SOX5: variants seen among roughly 807,000 people sequenced by gnomAD.
The protein encoded by SOX5 is SRY-box transcription factor 5, also known as transcription factor SOX-5.
A neutral mutation model predicts 92.0 loss-of-function variants in SOX5; 9 were observed. The observed-to-expected ratio is 0.10, with a 90% confidence interval of 0.06 to 0.17. The LOEUF (loss-of-function observed/expected upper bound fraction) is 0.17. SOX5 is among the 10% of genes least tolerant of loss of function. SOX5 has a pLI of 1.00. For missense variants in SOX5, 642 were observed against 944.5 expected, an observed-to-expected ratio of 0.68 and a Z score of 4.20; for synonymous variants, 344 against 336.3, an observed-to-expected ratio of 1.02 and a Z score of -0.25.
chr12:24,478,163 T>C (rs1405360031), intron 1 of SOX5, among the ~76,000 whole-genome samples: 3 of 152,214 alleles, frequency 2.0e-5, no homozygotes. Context: ...ACTACTGAAG[T>C]GTGAGAATTA....
intron 2 of SOX5, among the ~76,000 whole-genome samples, chr12:24,359,273 G>A (rs1310409574): frequency 6.6e-6 from 1 of 152,172 alleles, no homozygotes; most frequent in East Asian, 1.9e-4. Context: ...TAAGCGATCT[G>A]ATTCAAAATA....
Position 23,530,212 on chromosome 12 carries a change from AC to A in SOX5, c.*4006del, listed in dbSNP as rs1233134324. 1 of 152,190 alleles carries A rather than the reference AC, an allele frequency of 6.6e-6. No individual in the cohort carries two copies. The highest frequency in any genetic ancestry group is 3.2e-3 in the Middle Eastern group (1 of 316). 9.4% of individuals were successfully genotyped at this position (152,190 alleles called of 1,614,324 possible). A position where few individuals can be genotyped will look rare whatever the true frequency, so the allele number is the denominator to read the frequency against. On this transcript the variant is annotated 3_prime_UTR_variant, in exon 15 of 15. Transcript: ENST00000451604. Reference sequence around the variant, plus strand: ...AATTTGATAGACAAATACCTTATAAACCTGTTTGTAAATATACAGTTGTTTA... The same window carrying A: ...AATTTGATAGACAAATACCTTATAAACTGTTTGTAAATATACAGTTGTTTA...
At chr12:24,310,884 T>C (rs2140790412) in intron 2 of SOX5, among the ~76,000 whole-genome samples, 1 of 152,156 alleles carries the variant, frequency 6.6e-6, no homozygotes, top group Non-Finnish European at 1.5e-5. Flanking sequence ...CTAAAAAGTA[T>C]ACTTCCATAT....
chr12:24,482,476 A>G lies in SOX5; in HGVS notation c.-251+79853T>C, dbSNP rs571629784. 3.9e-5 allele frequency among the ~76,000 whole-genome samples: 6 copies of G among 152,280 alleles called. No homozygotes were observed. In the South Asian group the frequency reaches 1.2e-3, roughly 32 times the overall value. ...TTCCCCACTACTATCACTATTACCC[A>G]TTATCAATATACACCAGTGTAAAGA... On this transcript the variant is annotated intron_variant, in intron 1 of 4. Transcript: ENST00000446891.
At chr12:24,481,275 G>C (rs958628180) in intron 1 of SOX5, among the ~76,000 whole-genome samples, 1 of 152,062 alleles carries the variant, frequency 6.6e-6, no homozygotes, top group Non-Finnish European at 1.5e-5. Flanking sequence ...TAGTGGGGGT[G>C]GGGGGTTGGA....
intron 4 of SOX5, among the ~76,000 whole-genome samples, chr12:24,210,446 T>C (rs1958481050): frequency 6.6e-6 from 1 of 152,206 alleles, no homozygotes; most frequent in Non-Finnish European, 1.5e-5. Context: ...AATAGTCTCA[T>C]GGATTGGGAT....
intron 11 of SOX5, among the ~76,000 whole-genome samples, chr12:23,549,812 G>A (rs1203737347): frequency 6.6e-6 from 1 of 151,854 alleles, no homozygotes; most frequent in Non-Finnish European, 1.5e-5. Flanking sequence ...CTGAGATCAA[G>A]GAGAAACATT....
At chr12:24,073,796 TAAA>T (rs1942119823) in intron 4 of SOX5, among the ~76,000 whole-genome samples, 1 of 152,074 alleles carries the variant, frequency 6.6e-6, no homozygotes, top group African/African-American at 2.4e-5. Context: ...AGAGGAAAGA[TAAA>T]TAAATAAATA....
At chr12:24,400,077 C>T (rs1448855019) in intron 1 of SOX5, among the ~76,000 whole-genome samples, 1 of 152,098 alleles carries the variant, frequency 6.6e-6, no homozygotes, top group Admixed American at 6.6e-5. Context: ...ATTAGGAAAT[C>T]CAGTCCATAA....
At chr12:23,697,091 G>C (rs1393388659) in intron 6 of SOX5, among the ~76,000 whole-genome samples, 1 of 152,100 alleles carries the variant, frequency 6.6e-6, no homozygotes, top group East Asian at 1.9e-4. Flanking sequence ...TGTAAATAAG[G>C]TCAGAGTAAT....
intron 3 of SOX5, among the ~76,000 whole-genome samples, chr12:23,773,323 A>T (rs2094994574): frequency 1.3e-5 from 2 of 152,150 alleles, no homozygotes; most frequent in African/African-American, 4.8e-5. Context: ...CCAAACTGTA[A>T]AACTGTAAAT....
At chr12:24,232,414 G>A (rs1302818289) in intron 3 of SOX5, among the ~76,000 whole-genome samples, 1 of 152,118 alleles carries the variant, frequency 6.6e-6, no homozygotes, top group Non-Finnish European at 1.5e-5. Flanking sequence ...AAAGATGTAA[G>A]AACAATTTCT....
At chr12:24,493,884 G>GT (rs1364298787) in intron 1 of SOX5, among the ~76,000 whole-genome samples, 7 of 151,662 alleles carry the variant, frequency 4.6e-5, no homozygotes, top group Non-Finnish European at 8.8e-5. Context: ...AAAATAGTTT[G>GT]TTTTTAAAAA....
intron 6 of SOX5, among the ~76,000 whole-genome samples, chr12:23,669,295 C>A (rs2084364930): frequency 6.6e-6 from 1 of 151,884 alleles, no homozygotes; most frequent in Admixed American, 6.6e-5. Flanking sequence ...GCAGGAGTGG[C>A]AGGTATAGGG....
chr12:24,384,928 G>A (rs1958224328), intron 1 of SOX5, among the ~76,000 whole-genome samples: 1 of 152,116 alleles, frequency 6.6e-6, no homozygotes, highest in Non-Finnish European at 1.5e-5. Flanking sequence ...AATACTGACG[G>A]CATTTATCTC....
chr12:23,597,873 A>G (rs1018918278), intron 9 of SOX5, among the ~76,000 whole-genome samples: 1 of 152,216 alleles, frequency 6.6e-6, no homozygotes, highest in Non-Finnish European at 1.5e-5. Context: ...GATACTGTTA[A>G]GATTAGAAAA....
intron 4 of SOX5, among the ~76,000 whole-genome samples, chr12:24,029,872 T>A (rs984773155): frequency 6.6e-6 from 1 of 152,040 alleles, no homozygotes; most frequent in Non-Finnish European, 1.5e-5. Flanking sequence ...TGGATAGTTA[T>A]GTGTAATGCA....
intron 2 of SOX5, among the ~76,000 whole-genome samples, chr12:23,879,734 C>A (rs1394970988): frequency 6.6e-6 from 1 of 152,208 alleles, no homozygotes; most frequent in Admixed American, 6.5e-5. Flanking sequence ...GCACTTGTTT[C>A]ATATACCTCA....
At chr12:23,631,185 A>G (rs754284320) in intron 8 of SOX5, among the ~76,000 whole-genome samples, 4 of 152,032 alleles carry the variant, frequency 2.6e-5, no homozygotes, top group Non-Finnish European at 4.4e-5. Flanking sequence ...TCCTCTTAAG[A>G]TGCATCTGTC....
Sources: allele counts gnomAD v4.1 joint callset (sites outside exome capture counted in the v4.1 genomes callset), GRCh38; gene constraint gnomAD v4.1.1; transcripts MANE v1.5; gene names NCBI Gene and HGNC (gene_info 2026-07-23, HGNC 2026-07-21).